The following MYO3A variants were observed in gnomAD, a reference collection of about 807,000 sequenced individuals.
MYO3A encodes myosin-IIIa.
A neutral mutation model predicts 192.7 loss-of-function variants in MYO3A; 180 were observed. The observed-to-expected ratio is 0.93, with a 90% CI of 0.83 to 1.06. The LOEUF is 1.06. MYO3A is among the 50% of genes least tolerant of loss of function. The pLI, the probability that MYO3A is intolerant of heterozygous loss-of-function variation, is 0.00. For synonymous variants in MYO3A, 628 were observed against 645.3 expected (o/e 0.97, Z 0.41); for missense variants, 1,896 against 1,905.0 (o/e 1.00, Z 0.09).
chr10:26,042,763 T>C (rs183657878), intron 10 of MYO3A, among the ~76,000 whole-genome samples: 51 of 152,350 alleles, frequency 3.3e-4, no homozygotes, highest in African/African-American at 1.1e-3. Flanking sequence ...TATTTTGAAT[T>C]CTTTGTCTAA....
chr10:25,983,188 A>G (rs971823318), intron 4 of MYO3A, among the ~76,000 whole-genome samples: 3 of 152,026 alleles, frequency 2.0e-5, no homozygotes, highest in Non-Finnish European at 4.4e-5. Flanking sequence ...AGAATTGCAC[A>G]AGCAGAAGAA....
intron 8 of MYO3A, 70 bp from the exon 9 acceptor site, chr10:26,023,952 C>G: frequency 7.3e-7 from 1 of 1,364,996 alleles, no homozygotes; most frequent in Non-Finnish European, 1.0e-6. Context: ...ATTAGTCTAT[C>G]TGGCTCTGCC....
chr10:26,154,657 G>A (rs1050611699), intron 24 of MYO3A, 89 bp from the exon 25 acceptor site: 6 of 1,198,396 alleles, frequency 5.0e-6, no homozygotes, highest in South Asian at 1.3e-5. Context: ...CATAAACTAA[G>A]ATAGCCTGAA....
intron 4 of MYO3A, among the ~76,000 whole-genome samples, chr10:25,977,728 C>T (rs1839044885): frequency 6.6e-6 from 1 of 152,020 alleles, no homozygotes; most frequent in Admixed American, 6.6e-5. Context: ...TTTACATTGA[C>T]TAACTTACTA....
chr10:26,192,219 C>G (rs1471238971), intron 31 of MYO3A, among the ~76,000 whole-genome samples: 1 of 152,184 alleles, frequency 6.6e-6, no homozygotes, highest in East Asian at 1.9e-4. Context: ...GAGATCTTGG[C>G]TATATTAACA....
Position 26,166,170 on chromosome 10 carries a change from AAAAC to A in MYO3A, c.3107_3110del (p.Thr1036LysfsTer12). On this transcript the variant is annotated frameshift_variant, in exon 27 of 35. Transcript: ENST00000642920. LOFTEE classifies it high-confidence loss of function. ...TGGTCTCGATAACTGGGCTCTTGGA[AAAAC>A]AAAAGTAATGTTTTCATGTAATTTT... The A allele has an allele frequency of 6.2e-7, 1 of 1,608,630 alleles. No homozygotes were observed.
intron 18 of MYO3A, among the ~76,000 whole-genome samples, chr10:26,124,802 T>TGGA (rs2131727717): frequency 6.6e-6 from 1 of 152,334 alleles, no homozygotes; most frequent in Admixed American, 6.5e-5. Context: ...AAATAAATGT[T>TGGA]TGTTCAAACA....
intron 18 of MYO3A, among the ~76,000 whole-genome samples, chr10:26,121,034 A>G (rs1302531463): frequency 1.3e-5 from 2 of 152,108 alleles, no homozygotes; most frequent in African/African-American, 2.4e-5. Context: ...GGCTTTTACA[A>G]CTATTTTGGG....
chr10:25,940,852 T>C (rs1266342121), intron 2 of MYO3A, among the ~76,000 whole-genome samples: 1 of 152,226 alleles, frequency 6.6e-6, no homozygotes, highest in Admixed American at 6.5e-5. Flanking sequence ...AACTTCTTAC[T>C]GTCTTTGATG....
chr10:26,171,676 G>A lies in MYO3A; in HGVS notation c.3398+1137G>A, dbSNP rs141751400. On this transcript the variant is annotated intron_variant, in intron 29 of 34. Coordinates refer to ENST00000642920, the MANE Select transcript of MYO3A (RefSeq NM_017433.5). ...TGATTTGTTTCTCTTTGTTACTGGC[G>A]ATAAAACAGTCCAGCAAACTTCCAG... 5.3e-5 allele frequency among the ~76,000 whole-genome samples: 8 copies of A among 152,232 alleles called. No homozygotes were observed. In the East Asian group the frequency reaches 5.8e-4, roughly 11 times the overall value.
In MYO3A at chr10:26,062,530, A is replaced by AAAAAAAAAAAAAAAAAAAAAACG. The variant is rs1554816581; in HGVS notation, c.954-4442_954-4441insAAAAAAAAAAAAAAAAAACGAAA. On this transcript the variant is annotated intron_variant, in intron 10 of 34. Coordinates refer to ENST00000642920, the MANE Select transcript of MYO3A (RefSeq NM_017433.5). ...GATGCCATCTCAAAAAAAAAAAAAA[A>AAAAAAAAAAAAAAAAAAAAAACG]AAATTATGGAGGAATCTAATTAAGA... 1.9e-4 allele frequency among the ~76,000 whole-genome samples: 24 copies of AAAAAAAAAAAAAAAAAAAAAACG among 125,992 alleles called. 4 individuals carry two copies. Among genetic ancestry groups the AAAAAAAAAAAAAAAAAAAAAACG allele is most frequent in the Non-Finnish European group, 2.7e-4 (16 of 58,502 alleles). 82.7% of individuals were successfully genotyped at this position (125,992 alleles called of 152,430 possible). A position where few individuals can be genotyped will look rare whatever the true frequency, so the allele number is the denominator to read the frequency against.
chr10:26,103,710 G>C (rs1837617404), intron 17 of MYO3A, among the ~76,000 whole-genome samples: 1 of 152,114 alleles, frequency 6.6e-6, no homozygotes, highest in Admixed American at 6.5e-5. Context: ...TATACACCTA[G>C]CATTGCAAAT....
intron 4 of MYO3A, among the ~76,000 whole-genome samples, chr10:25,992,134 TC>T (rs565526864): frequency 0.052 from 7,854 of 151,626 alleles, 712 homozygotes; most frequent in African/African-American, 0.18. Context: ...TATTGATTCT[TC>T]CTACCCATGA....
intron 12 of MYO3A, among the ~76,000 whole-genome samples, chr10:26,069,115 T>TA (rs1835035738): frequency 6.6e-6 from 1 of 152,126 alleles, no homozygotes; most frequent in Non-Finnish European, 1.5e-5. Flanking sequence ...TACATTCAGT[T>TA]ATTGGTAACG....
At chr10:26,092,959 A>G (rs1013727777) in intron 15 of MYO3A, among the ~76,000 whole-genome samples, 24 of 152,196 alleles carry the variant, frequency 1.6e-4, no homozygotes, top group African/African-American at 5.1e-4. Context: ...GAAGATCAGT[A>G]TATTCCCAAT....
intron 31 of MYO3A, among the ~76,000 whole-genome samples, chr10:26,179,916 CTCT>C (rs1842540172): frequency 6.6e-6 from 1 of 152,218 alleles, no homozygotes; most frequent in Non-Finnish European, 1.5e-5. Flanking sequence ...TCACTGCCAC[CTCT>C]GCCTGCTGGG....
intron 20 of MYO3A, among the ~76,000 whole-genome samples, chr10:26,139,253 T>G (rs951567851): frequency 5.3e-5 from 8 of 152,252 alleles, no homozygotes; most frequent in African/African-American, 1.9e-4. Flanking sequence ...ATATATTTTT[T>G]GAGATGGAGT....
At position 26,169,001 on chromosome 10, in the gene MYO3A, C is replaced by T. The variant is rs1017364833; in HGVS notation, c.3274+127C>T. The T allele has an allele frequency of 9.0e-6, 8 of 885,518 alleles. No homozygotes were observed. The Admixed American group carries it at 1.9e-4, about 21-fold the overall frequency. The allele number at this position is 885,518 out of a possible 1,614,324, so 54.9% of individuals were successfully genotyped here. A position where few individuals can be genotyped will look rare whatever the true frequency, so the allele number is the denominator to read the frequency against. On this transcript the variant is annotated intron_variant, in intron 28 of 34. Transcript: ENST00000642920. Reference sequence around the variant, plus strand: ...AGACTGTGTTGCCTTGATACTTTTGCTATATTAAATCTAAGTCAAATTGTT... The same window carrying T: ...AGACTGTGTTGCCTTGATACTTTTGTTATATTAAATCTAAGTCAAATTGTT...
intron 15 of MYO3A, among the ~76,000 whole-genome samples, chr10:26,093,078 C>G (rs539184776): frequency 1.3e-4 from 20 of 152,228 alleles, no homozygotes; most frequent in Non-Finnish European, 2.5e-4. Context: ...ATACAATGTA[C>G]AATTAATGTA....
Sources: gnomAD v4.1 joint callset for allele counts (sites outside exome capture counted in the v4.1 genomes callset) on GRCh38, gnomAD v4.1.1 for gene constraint, MANE v1.5 for transcripts, NCBI Gene and HGNC (gene_info 2026-07-23, HGNC 2026-07-21) for gene names.